The following POU2AF2 variants were observed in gnomAD, a reference collection of about 807,000 sequenced individuals.
The protein encoded by POU2AF2 is POU class 2 homeobox associating factor 2.
the POU2AF2 span, among the ~76,000 whole-genome samples, chr11:111,266,830 G>C: frequency 1.1e-4 from 16 of 152,152 alleles, no homozygotes; most frequent in African/African-American, 3.9e-4. Context: ...GTGAGGCTTA[G>C]ATTTGGAACT....
the POU2AF2 span, among the ~76,000 whole-genome samples, chr11:111,271,403 T>C: frequency 6.6e-6 from 1 of 151,998 alleles, no homozygotes; most frequent in Non-Finnish European, 1.5e-5. Flanking sequence ...TCAAAAAAAC[T>C]CTTTTTTATT....
the POU2AF2 span, among the ~76,000 whole-genome samples, chr11:111,248,581 T>C: frequency 6.6e-6 from 1 of 152,244 alleles, no homozygotes; most frequent in South Asian, 2.1e-4. Flanking sequence ...ACCATCTTAA[T>C]TGTGTCATTG....
the POU2AF2 span, among the ~76,000 whole-genome samples, chr11:111,274,586 A>AAGAGAC: frequency 6.6e-6 from 1 of 151,340 alleles, no homozygotes; most frequent in Non-Finnish European, 1.5e-5. Context: ...AAGAGAGAGA[A>AAGAGAC]AGAGACAGAG....
chr11:111,250,411 G>A, the POU2AF2 span, among the ~76,000 whole-genome samples: 1 of 152,174 alleles, frequency 6.6e-6, no homozygotes, highest in Non-Finnish European at 1.5e-5. Context: ...AACATAAACT[G>A]TAAATTTTTG....
At chr11:111,276,798 A>C in the POU2AF2 span, among the ~76,000 whole-genome samples, 2 of 151,856 alleles carry the variant, frequency 1.3e-5, no homozygotes, top group Admixed American at 1.3e-4. Context: ...CAGCGGTATT[A>C]TCTTTCAAAT....
At chr11:111,249,795 T>C in the POU2AF2 span, among the ~76,000 whole-genome samples, 9 of 152,326 alleles carry the variant, frequency 5.9e-5, no homozygotes, top group East Asian at 1.7e-3. Flanking sequence ...TACTCTGGTA[T>C]ATTCCTACAT....
the POU2AF2 span, among the ~76,000 whole-genome samples, chr11:111,281,023 T>C: frequency 3.3e-5 from 5 of 152,160 alleles, no homozygotes; most frequent in South Asian, 2.1e-4. Context: ...AGGAACCCAC[T>C]GGGGAGTCTT....
the POU2AF2 span, among the ~76,000 whole-genome samples, chr11:111,246,185 T>C: frequency 3.3e-5 from 5 of 152,230 alleles, no homozygotes; most frequent in African/African-American, 9.6e-5. Flanking sequence ...TCTTTTCCAA[T>C]ATATAGTGAA....
chr11:111,281,020 C>T, the POU2AF2 span, among the ~76,000 whole-genome samples: 4 of 152,168 alleles, frequency 2.6e-5, no homozygotes, highest in African/African-American at 9.7e-5. Context: ...TTTAGGAACC[C>T]ACTGGGGAGT....
chr11:111,270,003 A>G, the POU2AF2 span, among the ~76,000 whole-genome samples: 15 of 152,232 alleles, frequency 9.9e-5, no homozygotes, highest in African/African-American at 3.4e-4. Flanking sequence ...AAGTCTATTT[A>G]TTAATTTTTG....
chr11:111,267,395 G>A, the POU2AF2 span, among the ~76,000 whole-genome samples: 12 of 152,168 alleles, frequency 7.9e-5, no homozygotes, highest in East Asian at 3.9e-4. Context: ...AGAGTGTGCC[G>A]TCCTGACCTT....
At chr11:111,262,714 C>G in the POU2AF2 span, among the ~76,000 whole-genome samples, 61 of 152,302 alleles carry the variant, frequency 4.0e-4, no homozygotes, top group African/African-American at 1.3e-3. Context: ...TTCTCTGAGC[C>G]TCAGTGTCCC....
the POU2AF2 span, among the ~76,000 whole-genome samples, chr11:111,276,927 G>A: frequency 0.095 from 14,430 of 152,150 alleles, 929 homozygotes; most frequent in Middle Eastern, 0.2. Context: ...AATGAACCTA[G>A]AAAGAAAGTC....
the POU2AF2 span, among the ~76,000 whole-genome samples, chr11:111,275,750 C>G: frequency 6.6e-6 from 1 of 152,108 alleles, no homozygotes; most frequent in East Asian, 1.9e-4. Flanking sequence ...ATACATAACA[C>G]TTAATACATA....
the POU2AF2 span, among the ~76,000 whole-genome samples, chr11:111,269,395 G>A: frequency 6.6e-6 from 1 of 152,052 alleles, no homozygotes; most frequent in African/African-American, 2.4e-5. Context: ...CACATTCCCA[G>A]TGCTTTCTGT....
At chr11:111,285,189 T>G in the POU2AF2 span, among the ~76,000 whole-genome samples, 2 of 152,176 alleles carry the variant, frequency 1.3e-5, no homozygotes, top group African/African-American at 4.8e-5. Flanking sequence ...TTCCTCCTGC[T>G]TTAATGAGGA....
At chr11:111,284,415 G>A in the POU2AF2 span, 1 of 1,541,380 alleles carries the variant, frequency 6.5e-7, no homozygotes, top group Non-Finnish European at 8.7e-7. Flanking sequence ...GAGTAAAAGA[G>A]GGGCGAGGCT....
chr11:111,253,430 C>T, the POU2AF2 span, among the ~76,000 whole-genome samples: 1 of 152,218 alleles, frequency 6.6e-6, no homozygotes, highest in Admixed American at 6.5e-5. Context: ...ATCCACATCA[C>T]GATGGTTCTG....
At chr11:111,258,674 ATTATT>A in the POU2AF2 span, among the ~76,000 whole-genome samples, 1 of 152,194 alleles carries the variant, frequency 6.6e-6, no homozygotes, top group African/African-American at 2.4e-5. Flanking sequence ...TATAAGCCAT[ATTATT>A]TTATTTCATT....
Sources: allele counts gnomAD v4.1 joint callset (sites outside exome capture counted in the v4.1 genomes callset), GRCh38; gene constraint gnomAD v4.1.1; transcripts MANE v1.5; gene names NCBI Gene and HGNC (gene_info 2026-07-23, HGNC 2026-07-21).